SNTG2: variants seen among roughly 807,000 people sequenced by gnomAD.
The protein encoded by SNTG2 is gamma-2-syntrophin.
Under a neutral mutation model 70.9 loss-of-function variants are expected in SNTG2, and 74 were observed. The observed-to-expected ratio is 1.04, with a 90% CI of 0.86 to 1.27. The LOEUF is 1.27. Ranked by LOEUF, SNTG2 falls within the 50% of genes most tolerant of loss-of-function variation. The pLI is 0.00. For missense variants in SNTG2, 717 were observed against 690.7 expected (o/e 1.04, Z -0.43); for synonymous variants, 278 against 273.8 (o/e 1.02, Z -0.15).
chr2:1,168,841 G>C (rs1670929929), intron 7 of SNTG2, among the ~76,000 whole-genome samples: 1 of 152,180 alleles, frequency 6.6e-6, no homozygotes, highest in African/African-American at 2.4e-5. Flanking sequence ...GGGTGCTGAG[G>C]GGCTGTGCAT....
chr2:1,357,344 T>G (rs1660906331), intron 16 of SNTG2, among the ~76,000 whole-genome samples: 1 of 152,126 alleles, frequency 6.6e-6, no homozygotes, highest in African/African-American at 2.4e-5. Flanking sequence ...TTTATTACTT[T>G]TATAATGAAA....
At chr2:1,172,966 A>T (rs1415767592) in intron 7 of SNTG2, 126 bp from the exon 8 acceptor site, 1 of 801,112 alleles carries the variant, frequency 1.2e-6, no homozygotes, top group African/African-American at 1.7e-5. Flanking sequence ...CCCAGCCCAT[A>T]ACTGGACACC....
intron 14 of SNTG2, among the ~76,000 whole-genome samples, chr2:1,295,773 T>A (rs1222007830): frequency 1.7e-5 from 2 of 120,656 alleles, no homozygotes; most frequent in Non-Finnish European, 3.5e-5. Flanking sequence ...CTGAGTCTCC[T>A]GTATTGGGGT....
intron 1 of SNTG2, among the ~76,000 whole-genome samples, chr2:1,082,753 C>T (rs535647859): frequency 7.3e-4 from 111 of 152,354 alleles, no homozygotes; most frequent in African/African-American, 2.6e-3. Flanking sequence ...GCCTGACCGG[C>T]GGCCTGCTCT....
chr2:1,237,730 G>T (rs28628894), intron 9 of SNTG2, among the ~76,000 whole-genome samples, 158 bp from the exon 10 acceptor site: 33,641 of 152,170 alleles, frequency 0.22, 5,919 homozygotes, highest in African/African-American at 0.48. Flanking sequence ...TGGTCTCAGC[G>T]AGCCTGCTGA....
At chr2:1,234,328 ATTAACATG>A (rs1250631094) in intron 9 of SNTG2, among the ~76,000 whole-genome samples, 3 of 152,244 alleles carry the variant, frequency 2.0e-5, no homozygotes, top group Non-Finnish European at 2.9e-5. Flanking sequence ...TCCCTGTTTC[ATTAACATG>A]TTAGTATCTG....
At chr2:994,404 A>G (rs1402742309) in intron 1 of SNTG2, among the ~76,000 whole-genome samples, 1 of 152,076 alleles carries the variant, frequency 6.6e-6, no homozygotes, top group African/African-American at 2.4e-5. Flanking sequence ...TTTCATGCTT[A>G]TGCCAGCACT....
chr2:1,012,616 G>T (rs1336419254), intron 1 of SNTG2, among the ~76,000 whole-genome samples: 5 of 128,866 alleles, frequency 3.9e-5, no homozygotes, highest in Admixed American at 7.6e-5. Flanking sequence ...GTCTGGAAAG[G>T]GATTTATAAG....
intron 14 of SNTG2, among the ~76,000 whole-genome samples, chr2:1,273,546 G>A (rs190686219): frequency 9.9e-5 from 15 of 152,010 alleles, no homozygotes; most frequent in Non-Finnish European, 1.5e-5. Context: ...ATTCAGTGGA[G>A]AAAGGAAAGC....
intron 6 of SNTG2, among the ~76,000 whole-genome samples, chr2:1,148,732 G>A (rs1163129818): frequency 6.6e-6 from 1 of 152,224 alleles, no homozygotes; most frequent in Non-Finnish European, 1.5e-5. Flanking sequence ...CTCTCTTGAG[G>A]CCCTTTGGAT....
chr2:1,175,036 A>G (rs1017453353), intron 8 of SNTG2, among the ~76,000 whole-genome samples: 2 of 152,146 alleles, frequency 1.3e-5, no homozygotes, highest in African/African-American at 4.8e-5. Flanking sequence ...TGTTCAAGAA[A>G]TCTTTCTTAT....
intron 4 of SNTG2, among the ~76,000 whole-genome samples, chr2:1,122,927 AATCAAAAC>A (rs74164492): frequency 0.47 from 71,832 of 151,468 alleles, 18,094 homozygotes; most frequent in East Asian, 0.66. Context: ...CTGAAAAAGA[AATCAAAAC>A]AATCCCATTT....
At chr2:1,259,674 T>A (rs72770610) in intron 13 of SNTG2, among the ~76,000 whole-genome samples, 13,959 of 152,242 alleles carry the variant, frequency 0.092, 710 homozygotes, top group South Asian at 0.15. Context: ...TCTGTGTTTA[T>A]GTGGTATGTG....
chr2:1,037,157 C>T (rs1661177152), intron 1 of SNTG2, among the ~76,000 whole-genome samples: 2 of 152,250 alleles, frequency 1.3e-5, no homozygotes, highest in Admixed American at 1.3e-4. Flanking sequence ...GCACTCAGGG[C>T]TCTCCATCTG....
intron 6 of SNTG2, among the ~76,000 whole-genome samples, chr2:1,144,771 C>T (rs1305851318): frequency 6.6e-6 from 1 of 152,160 alleles, no homozygotes; most frequent in South Asian, 2.1e-4. Context: ...GATTCAATTA[C>T]CTCCCACCAG....
chr2:970,943 A>T (rs1324425519), intron 1 of SNTG2, among the ~76,000 whole-genome samples: 1 of 152,196 alleles, frequency 6.6e-6, no homozygotes, highest in Non-Finnish European at 1.5e-5. Context: ...TCAAAACCAC[A>T]GTGAGATATC....
At chr2:1,024,408 T>A (rs2148018334) in intron 1 of SNTG2, among the ~76,000 whole-genome samples, 1 of 152,358 alleles carries the variant, frequency 6.6e-6, no homozygotes, top group Non-Finnish European at 1.5e-5. Flanking sequence ...CTCCATCTGT[T>A]GCCCAGGCTG....
At chr2:982,795 T>C (rs1443522297) in intron 1 of SNTG2, among the ~76,000 whole-genome samples, 1 of 152,190 alleles carries the variant, frequency 6.6e-6, no homozygotes, top group East Asian at 1.9e-4. Context: ...GATTGTGGAC[T>C]TGGTCACTTT....
chr2:1,246,692 A>G (rs942284631), intron 11 of SNTG2, among the ~76,000 whole-genome samples: 2 of 152,182 alleles, frequency 1.3e-5, no homozygotes, highest in East Asian at 1.9e-4. Context: ...AATATGTCAC[A>G]TTAAAATTTT....
Sources: allele counts gnomAD v4.1 joint callset (sites outside exome capture counted in the v4.1 genomes callset), GRCh38; gene constraint gnomAD v4.1.1; transcripts MANE v1.5; gene names NCBI Gene and HGNC (gene_info 2026-07-23, HGNC 2026-07-21).